RASGRF1: variants seen among roughly 807,000 people sequenced by gnomAD.
RASGRF1 encodes the protein ras-specific guanine nucleotide-releasing factor 1.
RASGRF1 carries 40 observed loss-of-function variants against 138.7 expected under a neutral mutation model. The ratio of observed to expected loss-of-function variants is 0.29; its 90% CI spans 0.22 to 0.38. RASGRF1 has a LOEUF of 0.38. RASGRF1 is among the 10% of genes least tolerant of loss of function. The pLI, the probability that RASGRF1 is intolerant of heterozygous loss-of-function variation, is 1.00. For missense variants in RASGRF1, 1,108 were observed against 1,650.4 expected (o/e 0.67, Z 5.69); for synonymous variants, 614 against 663.2 (o/e 0.93, Z 1.14).
intron 12 of RASGRF1, among the ~76,000 whole-genome samples, 182 bp downstream of exon 12, chr15:79,017,588 G>C (rs946878110): frequency 6.6e-6 from 1 of 152,170 alleles, no homozygotes; most frequent in African/African-American, 2.4e-5. Context: ...GACTACAAAC[G>C]GGATGGACTA....
At chr15:79,036,025 C>T (rs1567556347) in intron 5 of RASGRF1, among the ~76,000 whole-genome samples, 1 of 152,220 alleles carries the variant, frequency 6.6e-6, no homozygotes. Context: ...CCGGCCTTCC[C>T]CCCAACCCGT....
chr15:78,983,464 T>C (rs1308368126), intron 23 of RASGRF1, among the ~76,000 whole-genome samples: 2 of 152,030 alleles, frequency 1.3e-5, no homozygotes, highest in East Asian at 1.9e-4. Context: ...CCCAACTCCA[T>C]GAGGAGGGCA....
chr15:78,970,670 C>G (rs2055739498), intron 26 of RASGRF1, among the ~76,000 whole-genome samples: 1 of 147,270 alleles, frequency 6.8e-6, no homozygotes, highest in Non-Finnish European at 1.5e-5. Flanking sequence ...AAAGAAAAGT[C>G]ATAGGATTGG....
chr15:79,011,319 A>G (rs1288919852), intron 13 of RASGRF1, among the ~76,000 whole-genome samples: 2 of 152,188 alleles, frequency 1.3e-5, no homozygotes, highest in African/African-American at 4.8e-5. Flanking sequence ...AGAATTAAAT[A>G]AGGAAGACAG....
chr15:79,066,147 A>G (rs564839059), intron 1 of RASGRF1, among the ~76,000 whole-genome samples: 8 of 152,136 alleles, frequency 5.3e-5, no homozygotes, highest in South Asian at 2.1e-4. Context: ...CACTTTCCCC[A>G]TCTCTCGAGA....
chr15:78,991,356 C>G (rs371006767), intron 21 of RASGRF1, among the ~76,000 whole-genome samples: 2 of 152,226 alleles, frequency 1.3e-5, no homozygotes, highest in Non-Finnish European at 2.9e-5. Context: ...GACCTACACA[C>G]GTGCCCACGC....
chr15:78,987,971 G>T (rs984174594), intron 22 of RASGRF1, among the ~76,000 whole-genome samples: 2 of 152,182 alleles, frequency 1.3e-5, no homozygotes, highest in Admixed American at 6.5e-5. Flanking sequence ...AAAGGCAAAA[G>T]GACCAGAAAA....
intron 14 of RASGRF1, chr15:79,004,919 A>G (rs2056637126): frequency 2.0e-6 from 2 of 981,726 alleles, no homozygotes; most frequent in South Asian, 4.7e-5. Context: ...ACAGGTAGGA[A>G]ACTGAGTCTC....
intron 10 of RASGRF1, among the ~76,000 whole-genome samples, chr15:79,022,943 G>A (rs1453013052): frequency 6.6e-6 from 1 of 152,188 alleles, no homozygotes; most frequent in African/African-American, 2.4e-5. Context: ...GGGAGGCCGA[G>A]GCAGGCGGAT....
chr15:79,086,196 C>T (rs907284207), intron 1 of RASGRF1, among the ~76,000 whole-genome samples: 8 of 152,236 alleles, frequency 5.3e-5, no homozygotes, highest in Non-Finnish European at 1.0e-4. Flanking sequence ...TGTATACCAG[C>T]GTCCCAGGGT....
At chr15:79,017,176 G>A (rs1379797393) in intron 12 of RASGRF1, among the ~76,000 whole-genome samples, 1 of 152,246 alleles carries the variant, frequency 6.6e-6, no homozygotes, top group East Asian at 1.9e-4. Context: ...GGAAAAGTCT[G>A]TGCTTCCTGC....
Position 79,058,465 on chromosome 15 carries a change from T to C in RASGRF1, c.400A>G (p.Thr134Ala). ...TTCTGCATTAATGCCTCATGCTCTG[T>C]GGCGAGGGTCCTGTAGCTGTGGACA... is the stretch of plus-strand genomic sequence containing the variant. Reference protein sequence around the residue: ...IAHASYRTLATEHEALMQKYL... With the variant: ...IAHASYRTLAAEHEALMQKYL... The change falls in exon 3 of 27, where the codon ACA becomes GCA. Residue 134 changes from threonine to alanine, a missense_variant. By Grantham distance (58) the Thr-to-Ala change is moderately conservative. Around this residue, in one of 3 missense-constraint regions of RASGRF1, gnomAD observed 253 missense variants for 329.5 expected, o/e 0.77. Coordinates refer to ENST00000558480, the MANE Select transcript of RASGRF1 (RefSeq NM_001145648.3). 1.2e-6 allele frequency: 2 copies of C among 1,614,176 alleles called. No homozygotes were observed. Among genetic ancestry groups the C allele is most frequent in the African/African-American group, 1.3e-5 (1 of 75,062 alleles).
At chr15:79,061,428 A>ATATATATT (rs1301462313) in intron 2 of RASGRF1, among the ~76,000 whole-genome samples, 2 of 147,312 alleles carry the variant, frequency 1.4e-5, no homozygotes, top group Admixed American at 6.8e-5. Flanking sequence ...ATATATATAT[A>ATATATATT]TATCATTCAT....
Position 79,006,726 on chromosome 15 carries a change from T to C in RASGRF1, c.1827-292A>G, listed in dbSNP as rs1307942102. The stretch of plus-strand genomic sequence containing the variant: ...GGAACTCTGTTTACACAAATGTGTA[T>C]GTGGATGGGGTGCAGTGGCTCACGC... On this transcript the variant is annotated intron_variant, in intron 13 of 26. Transcript: ENST00000558480. The surrounding 1 kb of genome is among the most constrained non-coding windows in gnomAD (Gnocchi z 4.0). Among the ~76,000 whole-genome samples the C allele has an allele frequency of 2.0e-5, 3 of 152,222 alleles. No individual in the cohort carries two copies. Among genetic ancestry groups the C allele is most frequent in the Admixed American group, 6.5e-5 (1 of 15,280 alleles).
intron 14 of RASGRF1, chr15:79,005,745 C>G: frequency 3.8e-6 from 1 of 261,850 alleles, no homozygotes; most frequent in Non-Finnish European, 4.9e-6. Flanking sequence ...CTCCCTCCCT[C>G]CCTTCCTTCC....
intron 16 of RASGRF1, among the ~76,000 whole-genome samples, chr15:79,001,018 G>A (rs2056510218): frequency 6.6e-6 from 1 of 152,206 alleles, no homozygotes; most frequent in African/African-American, 2.4e-5. Flanking sequence ...TCACCATTGG[G>A]TATCTCACAG....
intron 1 of RASGRF1, among the ~76,000 whole-genome samples, chr15:79,069,203 A>G (rs989524106): frequency 6.6e-6 from 1 of 152,136 alleles, no homozygotes; most frequent in Non-Finnish European, 1.5e-5. Context: ...ATAGCTGAAG[A>G]ATGAGTGAAT....
chr15:79,058,502 C>T (rs1414443201), intron 2 of RASGRF1, 21 bp from the exon 3 acceptor site: 1 of 1,611,642 alleles, frequency 6.2e-7, no homozygotes, highest in Non-Finnish European at 8.5e-7. Context: ...ATGGACATGG[C>T]AGGTAAGATG....
At position 79,012,675 on chromosome 15, in the gene RASGRF1, T is replaced by C. The variant is rs1178455698; in HGVS notation, c.1826+2652A>G. 6 of 1,272,188 alleles carry C rather than the reference T, an allele frequency of 4.7e-6. No individual in the cohort carries two copies. The African/African-American group carries it at 9.1e-5, about 19-fold the overall frequency. 78.8% of individuals were successfully genotyped at this position (1,272,188 alleles called of 1,614,324 possible). A position where few individuals can be genotyped will look rare whatever the true frequency, so the allele number is the denominator to read the frequency against. ...ATAGGTGATTTTAATTTTATTTTTGTTTCATCCGCACTCTCTCTTTTTTTT... is the reference window on the plus strand; with the variant it reads ...ATAGGTGATTTTAATTTTATTTTTGCTTCATCCGCACTCTCTCTTTTTTTT... On this transcript the variant is annotated intron_variant, in intron 13 of 26. Coordinates refer to ENST00000558480, the MANE Select transcript of RASGRF1 (RefSeq NM_001145648.3).
Sources: gnomAD v4.1 joint callset for allele counts (sites outside exome capture counted in the v4.1 genomes callset) on GRCh38, gnomAD v4.1.1 for gene constraint, gnomAD v4.1.1 regional missense constraint, Gnocchi (gnomAD v3.1) non-coding constraint, MANE v1.5 for transcripts, NCBI Gene and HGNC (gene_info 2026-07-23, HGNC 2026-07-21) for gene names.